Variants in STXBP6 observed in about 807,000 individuals in gnomAD.
STXBP6 encodes syntaxin-binding protein 6.
STXBP6 carries 21 observed loss-of-function variants against 26.9 expected under a neutral mutation model. The ratio of observed to expected loss-of-function variants is 0.78; its 90% confidence interval spans 0.55 to 1.12. The LOEUF (loss-of-function observed/expected upper bound fraction) is 1.12, where lower values mean the gene tolerates loss of function less well. Ranked by LOEUF, STXBP6 falls within the 50% of genes most tolerant of loss-of-function variation. STXBP6 has a pLI of 0.00. For synonymous variants in STXBP6, 97 were observed against 92.6 expected, an observed-to-expected ratio of 1.05 and a Z score of -0.27; for missense variants, 232 against 257.9, an observed-to-expected ratio of 0.90 and a Z score of 0.69.
chr14:24,851,800 C>T (rs754905263), intron 4 of STXBP6, among the ~76,000 whole-genome samples: 5 of 152,118 alleles, frequency 3.3e-5, no homozygotes, highest in Non-Finnish European at 5.9e-5. Flanking sequence ...GGCTCCCCAC[C>T]TCTGCCTTCA....
At chr14:25,025,944 A>G (rs568669738) in intron 1 of STXBP6, among the ~76,000 whole-genome samples, 3 of 152,298 alleles carry the variant, frequency 2.0e-5, no homozygotes, top group South Asian at 4.1e-4. Flanking sequence ...TGCCCTTTCC[A>G]TAGCTTTACT....
intron 2 of STXBP6, among the ~76,000 whole-genome samples, chr14:24,915,213 A>G (rs963568317): frequency 6.6e-6 from 1 of 152,176 alleles, no homozygotes; most frequent in Non-Finnish European, 1.5e-5. Context: ...AGCACAAATG[A>G]GATGGCTTTG....
rs1048484195 is a variant in STXBP6 at position 24,949,111 on chromosome 14, A to G, written c.154+25554T>C. On this transcript the variant is annotated intron_variant, in intron 2 of 5. Coordinates refer to ENST00000323944, the MANE Select transcript of STXBP6 (RefSeq NM_001394410.1). ...CTGAATTGGTACTAAATTCAACACG[A>G]AAAAGTAGAGAGTAAGCACCATTAG... Among the ~76,000 whole-genome samples, 11 of 152,330 alleles carry G rather than the reference A, an allele frequency of 7.2e-5. No individual in the cohort carries two copies. The South Asian group carries it at 2.3e-3, about 32-fold the overall frequency.
chr14:24,860,072 C>A (rs1335221231), intron 2 of STXBP6, among the ~76,000 whole-genome samples: 1 of 152,156 alleles, frequency 6.6e-6, no homozygotes, highest in East Asian at 1.9e-4. Flanking sequence ...CCAGAATATC[C>A]AAAATATCAC....
intron 2 of STXBP6, among the ~76,000 whole-genome samples, chr14:24,914,902 T>C (rs909081061): frequency 1.3e-5 from 2 of 152,206 alleles, no homozygotes; most frequent in Non-Finnish European, 1.5e-5. Flanking sequence ...AATCATCTTC[T>C]TGACTGTTTC....
Position 24,938,209 on chromosome 14 carries a change from T to C in STXBP6, c.154+36456A>G, listed in dbSNP as rs145906803. On this transcript the variant is annotated intron_variant, in intron 2 of 5. Transcript: ENST00000323944. Reference sequence around the variant, plus strand: ...CACTTTTTTTCTCACGCAAGAGCAGTATGAACCAAAATGTGTGAGCAGATA... The same window carrying C: ...CACTTTTTTTCTCACGCAAGAGCAGCATGAACCAAAATGTGTGAGCAGATA... 2.1e-3 allele frequency among the ~76,000 whole-genome samples: 318 copies of C among 152,282 alleles called. 3 individuals are homozygous for C. The highest frequency in any genetic ancestry group is 7.5e-3 in the African/African-American group (310 of 41,560).
intron 2 of STXBP6, among the ~76,000 whole-genome samples, chr14:24,901,785 C>T (rs2071222277): frequency 7.1e-6 from 1 of 141,162 alleles, no homozygotes; most frequent in African/African-American, 2.6e-5. Flanking sequence ...TGTGATTCCA[C>T]CTATTTGAAC....
At chr14:24,982,140 T>C (rs1338802039) in intron 1 of STXBP6, among the ~76,000 whole-genome samples, 2 of 152,120 alleles carry the variant, frequency 1.3e-5, no homozygotes, top group Non-Finnish European at 1.5e-5. Flanking sequence ...TCCTTGAAAA[T>C]TGCGGTTTTA....
chr14:24,997,177 C>G (rs2074626423), intron 1 of STXBP6, among the ~76,000 whole-genome samples: 1 of 152,150 alleles, frequency 6.6e-6, no homozygotes, highest in African/African-American at 2.4e-5. Flanking sequence ...CCTGTCTTCT[C>G]TTTTCTATGT....
chr14:24,946,832 G>C (rs1407127339), intron 2 of STXBP6, among the ~76,000 whole-genome samples: 3 of 152,144 alleles, frequency 2.0e-5, no homozygotes, highest in Non-Finnish European at 4.4e-5. Context: ...AAGATAAATG[G>C]AAGAGCAATC....
chr14:24,991,000 G>A (rs1368101584), intron 1 of STXBP6, among the ~76,000 whole-genome samples: 3 of 150,988 alleles, frequency 2.0e-5, no homozygotes, highest in Admixed American at 6.6e-5. Flanking sequence ...AGAGAAAAAG[G>A]AGAGTAGGAG....
chr14:24,886,406 A>C (rs1406160269), intron 2 of STXBP6, among the ~76,000 whole-genome samples: 1 of 152,186 alleles, frequency 6.6e-6, no homozygotes, highest in African/African-American at 2.4e-5. Context: ...TGTAAATCCA[A>C]GTTATTATAA....
At chr14:24,840,293 TCTC>T (rs2068747600) in intron 4 of STXBP6, among the ~76,000 whole-genome samples, 1 of 152,162 alleles carries the variant, frequency 6.6e-6, no homozygotes, top group South Asian at 2.1e-4. Context: ...TAGCTGGCAT[TCTC>T]CTTATGATGC....
At chr14:24,814,553 C>A (rs2067915632) in intron 5 of STXBP6, among the ~76,000 whole-genome samples, 1 of 152,230 alleles carries the variant, frequency 6.6e-6, no homozygotes, top group African/African-American at 2.4e-5. Context: ...ACCCTGGTAA[C>A]CAGGACAGTG....
intron 1 of STXBP6, among the ~76,000 whole-genome samples, chr14:24,985,718 A>G (rs1033713439): frequency 1.3e-5 from 2 of 152,238 alleles, no homozygotes; most frequent in Admixed American, 1.3e-4. Flanking sequence ...TTCACAAATA[A>G]GCTAACCAAC....
chr14:24,916,348 T>C (rs59074995), intron 2 of STXBP6, among the ~76,000 whole-genome samples: 6,119 of 152,234 alleles, frequency 0.04, 358 homozygotes, highest in African/African-American at 0.13. Context: ...CATCAAAGCA[T>C]AATCACATAA....
rs1594938596 is a variant in STXBP6 at position 24,838,603 on chromosome 14, G to A, written c.451+17333C>T. On this transcript the variant is annotated intron_variant, in intron 4 of 5. Coordinates refer to ENST00000323944, the MANE Select transcript of STXBP6 (RefSeq NM_001394410.1). The stretch of plus-strand genomic sequence containing the variant: ...GGAGGCTGAGGCAGAAGGATCGCTT[G>A]AACTCGGGAGATGGAGGTTGCAGTG... 3.3e-5 allele frequency among the ~76,000 whole-genome samples: 5 copies of A among 152,088 alleles called. No homozygotes were observed. In the Middle Eastern group the frequency reaches 0.017, roughly 517 times the overall value.
At chr14:24,978,737 C>G (rs900133809) in intron 1 of STXBP6, among the ~76,000 whole-genome samples, 2 of 152,218 alleles carry the variant, frequency 1.3e-5, no homozygotes, top group African/African-American at 4.8e-5. Context: ...GATCTTCTCA[C>G]TTTGTGCCAT....
At chr14:24,869,846 C>G (rs915814798) in intron 2 of STXBP6, among the ~76,000 whole-genome samples, 3 of 152,130 alleles carry the variant, frequency 2.0e-5, no homozygotes, top group Non-Finnish European at 4.4e-5. Context: ...CAGAGAGAAG[C>G]TGTTGCTCTC....
Sources: gnomAD v4.1 joint callset for allele counts (sites outside exome capture counted in the v4.1 genomes callset) on GRCh38, gnomAD v4.1.1 for gene constraint, MANE v1.5 for transcripts, NCBI Gene and HGNC (gene_info 2026-07-23, HGNC 2026-07-21) for gene names.